Variants in CACNA1D observed in about 807,000 individuals in gnomAD.
The protein encoded by CACNA1D is calcium voltage-gated channel subunit alpha1 D, also known as voltage-dependent L-type calcium channel subunit alpha-1D.
Under a neutral mutation model 257.1 loss-of-function variants are expected in CACNA1D, and 55 were observed. The ratio of observed to expected loss-of-function variants is 0.21; its 90% CI spans 0.17 to 0.27. The LOEUF (loss-of-function observed/expected upper bound fraction) is 0.27, where lower values mean the gene tolerates loss of function less well. Among genes scored for constraint, CACNA1D ranks in the 10% least tolerant of loss-of-function variants. The pLI is 1.00. For synonymous variants in CACNA1D, 980 were observed against 1,014.9 expected (o/e 0.97, Z 0.65); for missense variants, 1,876 against 2,784.0 (o/e 0.67, Z 7.34).
chr3:53,744,770 G>A lies in CACNA1D; in HGVS notation c.2949G>A (p.Leu983=). The A allele has an allele frequency of 1.2e-6, 2 of 1,610,534 alleles. No homozygotes were observed. Among genetic ancestry groups the A allele is most frequent in the Non-Finnish European group, 1.7e-6 (2 of 1,176,674 alleles). ...QSSAISVVKI[L]RVLRVLRPLR... is the part of the protein sequence containing the mutation. ...GTGCCATCTCCGTTGTGAAGATTCTGAGGGTCTTAAGGGTCCTGCGTCCCC... is the reference window on the plus strand; with the variant it reads ...GTGCCATCTCCGTTGTGAAGATTCTAAGGGTCTTAAGGGTCCTGCGTCCCC... Residue 983 remains leucine, a synonymous_variant, in exon 23 of 48, where the codon CTG becomes CTA. Coordinates refer to ENST00000350061, the MANE Select transcript of CACNA1D (RefSeq NM_001128840.3).
At chr3:53,677,655 T>C (rs1177913718) in intron 8 of CACNA1D, among the ~76,000 whole-genome samples, 4 of 152,176 alleles carry the variant, frequency 2.6e-5, no homozygotes, top group Non-Finnish European at 1.5e-5. Context: ...ACCCAAGAGG[T>C]GGCTCTGGAG....
chr3:53,743,775 T>C (rs145367909), intron 22 of CACNA1D, among the ~76,000 whole-genome samples: 157 of 152,320 alleles, frequency 1.0e-3, no homozygotes, highest in African/African-American at 3.6e-3. Context: ...TGAGCACTTC[T>C]GTTCAGGTGC....
At chr3:53,549,726 C>A (rs2092490063) in intron 3 of CACNA1D, among the ~76,000 whole-genome samples, 2 of 152,128 alleles carry the variant, frequency 1.3e-5, no homozygotes, top group African/African-American at 2.4e-5. Flanking sequence ...TATTTAAAAA[C>A]AATTAAAATT....
intron 3 of CACNA1D, among the ~76,000 whole-genome samples, chr3:53,586,563 G>T (rs999783954): frequency 3.3e-5 from 5 of 152,024 alleles, no homozygotes; most frequent in Non-Finnish European, 5.9e-5. Context: ...AATATTTACA[G>T]GGACTGGAGA....
intron 7 of CACNA1D, among the ~76,000 whole-genome samples, chr3:53,671,576 C>T (rs1222974888): frequency 6.6e-6 from 1 of 152,240 alleles, no homozygotes; most frequent in Non-Finnish European, 1.5e-5. Context: ...TCAACAATTG[C>T]AGCCACAGCC....
At chr3:53,796,213 G>A in intron 40 of CACNA1D, 1 of 392,760 alleles carries the variant, frequency 2.5e-6, no homozygotes, top group Non-Finnish European at 5.2e-6. Context: ...ACCAGAACTT[G>A]TCACCAGCGA....
intron 3 of CACNA1D, among the ~76,000 whole-genome samples, chr3:53,569,633 C>T (rs1354501862): frequency 1.3e-5 from 2 of 152,186 alleles, no homozygotes; most frequent in East Asian, 3.8e-4. Context: ...TGTCTTGGAA[C>T]TCTTACTAAA....
intron 5 of CACNA1D, among the ~76,000 whole-genome samples, chr3:53,664,767 C>T (rs960763013): frequency 6.6e-6 from 1 of 152,218 alleles, no homozygotes; most frequent in Non-Finnish European, 1.5e-5. Context: ...GGGGACTGAA[C>T]AAAGGATGAT....
chr3:53,677,569 T>A (rs2094388857), intron 8 of CACNA1D, among the ~76,000 whole-genome samples: 1 of 152,224 alleles, frequency 6.6e-6, no homozygotes, highest in Non-Finnish European at 1.5e-5. Flanking sequence ...CTTTGGAAAT[T>A]CTGGAGTGTA....
At position 53,774,247 on chromosome 3, in the gene CACNA1D, A is replaced by G. The variant is rs1402362201; in HGVS notation, c.4111-340A>G. ...GAGGCCTTCCCTGACCCAGCCCCCC[A>G]GCCTTCAGTAGATGAGCCTGTCTCA... is the stretch of plus-strand genomic sequence containing the variant. On this transcript the variant is annotated intron_variant, in intron 33 of 47. Transcript: ENST00000350061. This position sits in a 1 kb window ranked among gnomAD's most constrained non-coding sequence, Gnocchi z 4.3. The G allele has an allele frequency of 6.0e-6, 2 of 330,670 alleles. 1 individual carries two copies. The highest frequency in any genetic ancestry group is 4.3e-5 in the African/African-American group (2 of 46,726). 20.5% of individuals were successfully genotyped at this position (330,670 alleles called of 1,614,324 possible). A position where few individuals can be genotyped will look rare whatever the true frequency, so the allele number is the denominator to read the frequency against.
At chr3:53,573,612 T>C (rs1296897351) in intron 3 of CACNA1D, among the ~76,000 whole-genome samples, 1 of 152,194 alleles carries the variant, frequency 6.6e-6, no homozygotes, top group Non-Finnish European at 1.5e-5. Flanking sequence ...TATGGCACAT[T>C]TTACTTATGC....
chr3:53,617,510 C>T (rs1384871954), intron 3 of CACNA1D, among the ~76,000 whole-genome samples: 3 of 152,134 alleles, frequency 2.0e-5, no homozygotes, highest in Non-Finnish European at 2.9e-5. Context: ...AATTAAGTGA[C>T]GCATTGCCTG....
chr3:53,718,763 C>T, intron 10 of CACNA1D: 2 of 1,544,588 alleles, frequency 1.3e-6, no homozygotes, highest in Middle Eastern at 1.7e-4. Context: ...ATTCTCCTTC[C>T]AGCCTGGGTT....
intron 3 of CACNA1D, among the ~76,000 whole-genome samples, chr3:53,607,956 G>C (rs1019585611): frequency 6.6e-6 from 1 of 152,142 alleles, no homozygotes; most frequent in African/African-American, 2.4e-5. Context: ...AAATCAGGTA[G>C]TATAAGTTCT....
At chr3:53,537,488 A>T (rs1410582729) in intron 3 of CACNA1D, among the ~76,000 whole-genome samples, 1 of 152,190 alleles carries the variant, frequency 6.6e-6, no homozygotes, top group Non-Finnish European at 1.5e-5. Flanking sequence ...TAGATATTTC[A>T]GTATGTATCT....
intron 39 of CACNA1D, among the ~76,000 whole-genome samples, chr3:53,785,017 G>T (rs2095445418): frequency 6.6e-6 from 1 of 152,174 alleles, no homozygotes; most frequent in Admixed American, 6.5e-5. Flanking sequence ...CCATGTCAGA[G>T]TTGTGAAGAG....
rs945247121 is a variant in CACNA1D at position 53,511,501 on chromosome 3, G to A, written c.483+9781G>A. ...TCCTTGTGTAAGGTACATTGTTGGA[G>A]CACAATGAGCCATGTCTTCGCCGTG... is the stretch of plus-strand genomic sequence containing the variant. On this transcript the variant is annotated intron_variant, in intron 3 of 47. Coordinates refer to ENST00000350061, the MANE Select transcript of CACNA1D (RefSeq NM_001128840.3). Among the ~76,000 whole-genome samples, 22 of 152,304 alleles carry A rather than the reference G, an allele frequency of 1.4e-4. No individual in the cohort carries two copies. The East Asian group carries it at 1.7e-3, about 12-fold the overall frequency.
intron 40 of CACNA1D, chr3:53,797,791 T>C (rs1181509630): frequency 1.3e-5 from 2 of 152,260 alleles, no homozygotes; most frequent in African/African-American, 4.8e-5. Flanking sequence ...TAATCAGACC[T>C]AGTCCAATCA....
Position 53,673,812 on chromosome 3 carries a change from A to G in CACNA1D, c.1220+686A>G. 1 of 1,607,962 alleles carries G rather than the reference A, an allele frequency of 6.2e-7. No homozygotes were observed. Among genetic ancestry groups the G allele is most frequent in the Non-Finnish European group, 8.5e-7 (1 of 1,174,378 alleles). ...CCTTAACCTGGTTCTTGGTGTCCTT[A>G]GTGGGTAAGCAGTCGGATCCGTGTT... On this transcript the variant is annotated intron_variant, in intron 8 of 47. Transcript: ENST00000350061. The surrounding 1 kb of genome is among the most constrained non-coding windows in gnomAD (Gnocchi z 4.1).
Sources: allele counts gnomAD v4.1 joint callset (sites outside exome capture counted in the v4.1 genomes callset), GRCh38; gene constraint gnomAD v4.1.1; non-coding constraint Gnocchi (gnomAD v3.1); transcripts MANE v1.5; gene names NCBI Gene and HGNC (gene_info 2026-07-23, HGNC 2026-07-21).